The following PARL variants were observed in gnomAD, a reference collection of about 807,000 sequenced individuals.
PARL encodes presenilin-associated rhomboid-like protein, mitochondrial.
PARL carries 44 observed loss-of-function variants against 51.6 expected under a neutral mutation model. That is an observed-to-expected ratio of 0.85 (90% CI 0.67 to 1.10). PARL has a LOEUF of 1.10. Ranked by LOEUF, PARL falls within the 50% of genes least tolerant of loss-of-function variation. PARL has a pLI of 0.00. For synonymous variants in PARL, 172 were observed against 164.0 expected, an observed-to-expected ratio of 1.05 and a Z score of -0.37; for missense variants, 441 against 469.5, an observed-to-expected ratio of 0.94 and a Z score of 0.56.
chr3:183,869,212 T>C (rs927802426), intron 1 of PARL, among the ~76,000 whole-genome samples: 2 of 152,186 alleles, frequency 1.3e-5, no homozygotes, highest in Non-Finnish European at 2.9e-5. Flanking sequence ...TTATCCCTTC[T>C]TATAATTATT....
chr3:183,852,579 C>T (rs569429352), intron 4 of PARL, among the ~76,000 whole-genome samples: 76 of 152,140 alleles, frequency 5.0e-4, no homozygotes, highest in Non-Finnish European at 9.9e-4. Context: ...ATAGTAGTGA[C>T]GGTTATACAA....
chr3:183,829,810 C>A, intron 9 of PARL, 101 bp from the exon 10 acceptor site: 1 of 920,164 alleles, frequency 1.1e-6, no homozygotes, highest in Non-Finnish European at 1.8e-6. Flanking sequence ...AAATCGAATG[C>A]CACTCACTAT....
intron 1 of PARL, among the ~76,000 whole-genome samples, chr3:183,882,271 A>ATATATT (rs1560442510): frequency 3.9e-5 from 4 of 101,772 alleles, no homozygotes; most frequent in African/African-American, 1.4e-4. Context: ...ATATATATTT[A>ATATATT]TATATATATA....
intron 7 of PARL, among the ~76,000 whole-genome samples, chr3:183,836,609 A>G (rs984344451): frequency 6.6e-6 from 1 of 152,216 alleles, no homozygotes; most frequent in African/African-American, 2.4e-5. Context: ...ACAGTGAGTC[A>G]TGAACCCTGA....
Position 183,862,735 on chromosome 3 carries a change from G to A in PARL, c.511+18C>T, listed in dbSNP as rs779193431. ...TTCTCTTCCCTTGAATGGTTAAAAC[G>A]TGTAAGCTAACACAAACCTGTCACA... On this transcript the variant is annotated intron_variant, in intron 4 of 9. Transcript: ENST00000317096. The A allele has an allele frequency of 2.0e-5, 32 of 1,604,304 alleles. 1 individual carries two copies. Among genetic ancestry groups the A allele is most frequent in the Middle Eastern group, 3.3e-4 (2 of 6,060 alleles).
chr3:183,881,559 T>C (rs928122113), intron 1 of PARL, among the ~76,000 whole-genome samples: 1 of 152,252 alleles, frequency 6.6e-6, no homozygotes, highest in Non-Finnish European at 1.5e-5. Flanking sequence ...AGACAAAATG[T>C]GTCTAAGCAC....
chr3:183,852,134 G>A (rs915805640), intron 4 of PARL, among the ~76,000 whole-genome samples: 5 of 152,152 alleles, frequency 3.3e-5, no homozygotes, highest in Admixed American at 2.6e-4. Context: ...TCCAGCCTGA[G>A]TGACAGAGCG....
rs746790229 is a variant in PARL, at chr3:183,884,677, C to G, written c.125+45G>C. 3.4e-5 allele frequency: 53 copies of G among 1,566,852 alleles called. 2 individuals are homozygous for G. The Middle Eastern group carries it at 5.9e-4, about 17-fold the overall frequency. On this transcript the variant is annotated intron_variant, in intron 1 of 9. Transcript: ENST00000317096. ...CGCCCCCGAGGATACACGGCCAGAG[C>G]TCAGGGACCAAGAGGCGAGAAGACC...
chr3:183,829,759 TGG>T, intron 9 of PARL, 50 bp from the exon 10 acceptor site: 1 of 1,420,920 alleles, frequency 7.0e-7, no homozygotes. Flanking sequence ...GACATACAAA[TGG>T]TAAGTAGCAT....
chr3:183,876,954 G>A (rs1046259960), intron 1 of PARL, among the ~76,000 whole-genome samples: 2 of 152,258 alleles, frequency 1.3e-5, no homozygotes, highest in South Asian at 4.1e-4. Flanking sequence ...GCTCATGCCT[G>A]TAATCCCAGT....
chr3:183,833,621 T>C, intron 8 of PARL, 32 bp from the exon 9 acceptor site: 1 of 1,531,582 alleles, frequency 6.5e-7, no homozygotes, highest in Non-Finnish European at 9.1e-7. Flanking sequence ...GCGGCACAAC[T>C]GTGATTGCTC....
chr3:183,879,270 G>A (rs780809854), intron 1 of PARL, among the ~76,000 whole-genome samples: 4 of 152,174 alleles, frequency 2.6e-5, no homozygotes, highest in Non-Finnish European at 4.4e-5. Context: ...CAACTTCAAG[G>A]GATTCAAGGA....
intron 2 of PARL, 116 bp from the exon 3 acceptor site, chr3:183,866,881 C>T: frequency 1.3e-6 from 1 of 772,824 alleles, no homozygotes. Flanking sequence ...GAAGGGAATA[C>T]TTGGCACAGT....
chr3:183,884,755 G>C lies in PARL; in HGVS notation c.92C>G (p.Ala31Gly). 2.5e-6 allele frequency: 4 copies of C among 1,579,300 alleles called. No homozygotes were observed. The highest frequency in any genetic ancestry group is 3.4e-6 in the Non-Finnish European group (4 of 1,166,416). Residue 31 changes from alanine to glycine, a missense_variant, in exon 1 of 10, where the codon GCG (alanine) becomes GGG (glycine). Physicochemically the swap from Ala to Gly is moderately conservative, Grantham distance 60 (BLOSUM62 0). Transcript: ENST00000317096. ...GAGGAGCTGCGGCGGGGTTAGGACC[G>C]CAGTGAGCTCCTCGCAGCTGCGGCC... ...VGGRSCEELTAVLTPPQLLGR... is the reference protein window; with the variant it reads ...VGGRSCEELTGVLTPPQLLGR...
chr3:183,873,906 A>G (rs1733499320), intron 1 of PARL, among the ~76,000 whole-genome samples: 1 of 152,170 alleles, frequency 6.6e-6, no homozygotes, highest in Admixed American at 6.5e-5. Flanking sequence ...AGCTGGCCCC[A>G]GGGTTAAGTT....
downstream of PARL, among the ~76,000 whole-genome samples, chr3:183,827,493 C>T (rs1040502783): frequency 6.6e-6 from 1 of 152,060 alleles, no homozygotes; most frequent in Admixed American, 6.5e-5. Context: ...GAATGACAGA[C>T]ATGTTTTTAG....
intron 4 of PARL, among the ~76,000 whole-genome samples, chr3:183,859,567 C>T (rs1560408608): frequency 6.6e-6 from 1 of 152,096 alleles, no homozygotes; most frequent in Non-Finnish European, 1.5e-5. Context: ...CAACTCCTGA[C>T]CTCAGGTGAT....
intron 7 of PARL, among the ~76,000 whole-genome samples, chr3:183,840,354 T>C (rs571237164): frequency 2.0e-5 from 3 of 152,334 alleles, no homozygotes; most frequent in South Asian, 4.1e-4. Context: ...TTAAAAGCTA[T>C]AGCCGGACAT....
At chr3:183,856,439 T>A (rs1464255311) in intron 4 of PARL, 1 of 152,362 alleles carries the variant, frequency 6.6e-6, no homozygotes, top group African/African-American at 2.4e-5. Flanking sequence ...TACCTCAGGT[T>A]CTCTGGGAAC....
Sources: gnomAD v4.1 joint callset for allele counts (sites outside exome capture counted in the v4.1 genomes callset) on GRCh38, gnomAD v4.1.1 for gene constraint, MANE v1.5 for transcripts, NCBI Gene and HGNC (gene_info 2026-07-23, HGNC 2026-07-21) for gene names.